Variants in PHLPP2 observed in about 807,000 individuals in gnomAD.
The protein encoded by PHLPP2 is PH domain leucine-rich repeat-containing protein phosphatase 2.
A neutral mutation model predicts 124.9 loss-of-function variants in PHLPP2; 66 were observed. The ratio of observed to expected loss-of-function variants is 0.53; its 90% confidence interval spans 0.43 to 0.65. PHLPP2 has a LOEUF of 0.65. Among genes scored for constraint, PHLPP2 ranks in the 30% least tolerant of loss-of-function variants. The pLI is 0.00. For missense variants in PHLPP2, 1,685 were observed against 1,600.4 expected, an observed-to-expected ratio of 1.05 and a Z score of -0.90; for synonymous variants, 681 against 624.7, an observed-to-expected ratio of 1.09 and a Z score of -1.34.
At chr16:71,695,711 A>C (rs890112854) in intron 3 of PHLPP2, among the ~76,000 whole-genome samples, 1 of 125,928 alleles carries the variant, frequency 7.9e-6, no homozygotes, top group African/African-American at 2.7e-5. Context: ...ACTCTGTCTC[A>C]GAAAAAAAAA....
At chr16:71,658,384 CA>C (rs1567613383) in intron 14 of PHLPP2, 21 bp from the exon 15 acceptor site, 1 of 1,607,472 alleles carries the variant, frequency 6.2e-7, no homozygotes, top group East Asian at 2.2e-5. Context: ...ATTGAGAAAT[CA>C]AAAGAAAATA....
At chr16:71,719,339 C>T (rs1305829657) in intron 1 of PHLPP2, among the ~76,000 whole-genome samples, 2 of 152,126 alleles carry the variant, frequency 1.3e-5, no homozygotes, top group African/African-American at 4.8e-5. Context: ...AGCTCGAGAC[C>T]AGCCTGGCCA....
chr16:71,694,876 T>C (rs2045153119), intron 3 of PHLPP2, among the ~76,000 whole-genome samples: 1 of 151,996 alleles, frequency 6.6e-6, no homozygotes, highest in Non-Finnish European at 1.5e-5. Flanking sequence ...GCTCCGCCTT[T>C]TGGGTTCACG....
Position 71,701,771 on chromosome 16 carries a change from T to A in PHLPP2, c.418+827A>T, listed in dbSNP as rs575441376. ...CATGGTCTGAAAATAGGAAGTAAAG[T>A]ACAAGATATTTTGAGAGAGAGAACA... On this transcript the variant is annotated intron_variant, in intron 3 of 18. Coordinates refer to ENST00000568954, the MANE Select transcript of PHLPP2 (RefSeq NM_015020.3). Among the ~76,000 whole-genome samples the A allele has an allele frequency of 5.3e-5, 8 of 152,266 alleles. No individual in the cohort carries two copies. The East Asian group carries it at 1.5e-3, about 29-fold the overall frequency.
chr16:71,669,072 C>T lies in PHLPP2; in HGVS notation c.1628+203G>A, dbSNP rs11075895. On this transcript the variant is annotated intron_variant, in intron 11 of 18. Transcript: ENST00000568954. ...ATCACAGTTATCCACATATGTTACACTATCTTCTCATTAAGTTCCTTGCAA... is the reference window on the plus strand; with the variant it reads ...ATCACAGTTATCCACATATGTTACATTATCTTCTCATTAAGTTCCTTGCAA... Among the ~76,000 whole-genome samples the T allele has an allele frequency of 0.46, 69,192 of 151,994 alleles. 16,304 individuals carry two copies. Among genetic ancestry groups the T allele is most frequent in the South Asian group, 0.63 (3,037 of 4,808 alleles).
intron 2 of PHLPP2, among the ~76,000 whole-genome samples, chr16:71,712,942 A>C (rs1216002002): frequency 1.3e-5 from 2 of 152,218 alleles, no homozygotes; most frequent in Non-Finnish European, 2.9e-5. Context: ...ATGGTCAGGC[A>C]TTTAAAGACC....
At chr16:71,660,902 T>C (rs1024570613) in intron 13 of PHLPP2, among the ~76,000 whole-genome samples, 1 of 152,162 alleles carries the variant, frequency 6.6e-6, no homozygotes, top group South Asian at 2.1e-4. Context: ...AGATTTCTAT[T>C]GTGCCTATAC....
Position 71,652,933 on chromosome 16 carries a change from T to C in PHLPP2, c.2674A>G (p.Ser892Gly). 1 of 1,614,102 alleles carries C rather than the reference T, an allele frequency of 6.2e-7. No individual in the cohort carries two copies. Among genetic ancestry groups the C allele is most frequent in the Non-Finnish European group, 8.5e-7 (1 of 1,180,006 alleles). ...GTGCCAACATTGGCTACAGTCAAGC[T>C]AAAGCTACTTGCTGGATCGGCAGTG... ...PDTADPASSFSLTVANVGTCQ... is the reference protein window; with the variant it reads ...PDTADPASSFGLTVANVGTCQ... The change falls in exon 18 of 19, where the codon AGC (serine) becomes GGC (glycine). Residue 892 changes from serine (S) to glycine (G), a missense_variant. Ser to Gly is a moderately conservative substitution (Grantham distance 56). Transcript: ENST00000568954.
Position 71,714,611 on chromosome 16 carries a change from A to T in PHLPP2, c.185T>A (p.Leu62Ter). ...CTCTACAGTGCAAAGGACGAGATGTAAGTCAGAGGAAGAGGAGGAGGAGGA... is the reference window on the plus strand; with the variant it reads ...CTCTACAGTGCAAAGGACGAGATGTTAGTCAGAGGAAGAGGAGGAGGAGGA... ...SSSSSSSSSD[L>*]HLVLCTVETP... Residue 62 changes from leucine (L) to a stop codon, truncating the protein, a stop_gained, in exon 2 of 19, where the codon TTA becomes TAA. Coordinates refer to ENST00000568954, the MANE Select transcript of PHLPP2 (RefSeq NM_015020.3). LOFTEE classifies it high-confidence loss of function. 6.2e-7 allele frequency: 1 copy of T among 1,614,090 alleles called. No homozygotes were observed. The highest frequency in any genetic ancestry group is 1.3e-5 in the African/African-American group (1 of 75,032).
At chr16:71,719,954 T>C (rs1366369827) in intron 1 of PHLPP2, among the ~76,000 whole-genome samples, 1 of 144,122 alleles carries the variant, frequency 6.9e-6, no homozygotes, top group African/African-American at 2.6e-5. Flanking sequence ...CACAACACCA[T>C]GCCCAGCTAA....
intron 2 of PHLPP2, among the ~76,000 whole-genome samples, chr16:71,707,986 A>T (rs2045291005): frequency 6.6e-6 from 1 of 152,198 alleles, no homozygotes; most frequent in Admixed American, 6.5e-5. Flanking sequence ...GGCAGGGCAC[A>T]GTGGCTCACC....
chr16:71,723,906 A>ACGGCGTGCGGAGCCTCGG lies in PHLPP2; in HGVS notation c.-7+405_-7+422dup, dbSNP rs2045415996. Reference sequence around the variant, plus strand: ...TTCACAGAGACGCCCGGCCCGCGCGACGGCGTGCGGAGCCTCGGCGGCGCG... The same window carrying ACGGCGTGCGGAGCCTCGG: ...TTCACAGAGACGCCCGGCCCGCGCGACGGCGTGCGGAGCCTCGGCGGCGTGCGGAGCCTCGGCGGCGCG... On this transcript the variant is annotated intron_variant, in intron 1 of 18. Transcript: ENST00000568954. 4.7e-6 allele frequency: 4 copies of ACGGCGTGCGGAGCCTCGG among 857,092 alleles called. No homozygotes were observed. In the African/African-American group the frequency reaches 5.6e-5, roughly 12 times the overall value. The allele number at this position is 857,092 out of a possible 1,614,324, so 53.1% of individuals were successfully genotyped here.
intron 9 of PHLPP2, among the ~76,000 whole-genome samples, chr16:71,675,015 G>C (rs1053037473): frequency 6.6e-6 from 1 of 152,110 alleles, no homozygotes; most frequent in African/African-American, 2.4e-5. Flanking sequence ...ACTTTTTCAT[G>C]CTCACAAAAA....
At chr16:71,685,824 A>G (rs1050233913) in intron 4 of PHLPP2, among the ~76,000 whole-genome samples, 2 of 152,214 alleles carry the variant, frequency 1.3e-5, no homozygotes, top group African/African-American at 4.8e-5. Flanking sequence ...TAATTTGTCA[A>G]CTTCCCTGAG....
In PHLPP2 at chr16:71,658,266, AG is replaced by A; in HGVS notation, c.2245del (p.Leu749TrpfsTer17). 6.2e-7 allele frequency: 1 copy of A among 1,613,970 alleles called. No homozygotes were observed. The highest frequency in any genetic ancestry group is 8.5e-7 in the Non-Finnish European group (1 of 1,179,890). ...QDLDLTGNTNLVLEHKTLDIF... is the reference protein window; with the variant it reads ...QDLDLTGNTNXVLEHKTLDIF... ...GTCCAGTGTCTTGTGTTCCAGAACC[AG>A]ATTTGTATTTCCAGTCAGGTCAAGG... On this transcript the variant is annotated frameshift_variant, in exon 15 of 19. Transcript: ENST00000568954. LOFTEE classifies it high-confidence loss of function.
intron 18 of PHLPP2, among the ~76,000 whole-genome samples, 197 bp from the exon 19 acceptor site, chr16:71,650,241 T>C (rs1018928975): frequency 9.2e-5 from 14 of 152,208 alleles, no homozygotes; most frequent in Non-Finnish European, 1.9e-4. Flanking sequence ...ATGGTTACTA[T>C]AGAGCCAAGT....
intron 18 of PHLPP2, among the ~76,000 whole-genome samples, chr16:71,651,035 C>A (rs2044692200): frequency 6.6e-6 from 1 of 152,166 alleles, no homozygotes; most frequent in South Asian, 2.1e-4. Flanking sequence ...TGTCTACAAT[C>A]CCCTAAGAAA....
At position 71,649,933 on chromosome 16, in the gene PHLPP2, C is replaced by A. The variant is rs1263186706; in HGVS notation, c.2929G>T (p.Asp977Tyr). Residue 977 changes from aspartate (D) to tyrosine (Y), a missense_variant, in exon 19 of 19, where the codon GAT becomes TAT. Physicochemically the swap from Asp to Tyr is radical, Grantham distance 160. Transcript: ENST00000568954. ...HISSTPLTIQ[D>Y]ELLILGNKAL... ...TTGTTTCCCAGAATCAGCAACTCAT[C>A]TTGAATGGTCAGCGGAGTGGAAGAT... The A allele has an allele frequency of 6.2e-7, 1 of 1,614,092 alleles. No homozygotes were observed. Among genetic ancestry groups the A allele is most frequent in the Non-Finnish European group, 8.5e-7 (1 of 1,180,054 alleles).
At position 71,649,673 on chromosome 16, in the gene PHLPP2, A is replaced by C; in HGVS notation, c.3189T>G (p.Asp1063Glu). ...VGFASTTTIK[D>E]APKPATPSSS... The stretch of plus-strand genomic sequence containing the variant: ...AGGATGGAGTGGCTGGCTTAGGGGC[A>C]TCCTTGATAGTGGTGGTTGAAGCAA... Residue 1063 changes from aspartate (D) to glutamate (E), a missense_variant, in exon 19 of 19, where the codon GAT becomes GAG. Transcript: ENST00000568954. The C allele has an allele frequency of 6.2e-7, 1 of 1,614,148 alleles. No individual in the cohort carries two copies.
Sources: gnomAD v4.1 joint callset for allele counts (sites outside exome capture counted in the v4.1 genomes callset) on GRCh38, gnomAD v4.1.1 for gene constraint, MANE v1.5 for transcripts, NCBI Gene and HGNC (gene_info 2026-07-23, HGNC 2026-07-21) for gene names.